The following KBTBD12 variants were observed in gnomAD, a reference collection of about 807,000 sequenced individuals.
The protein encoded by KBTBD12 is kelch repeat and BTB domain containing 12, also known as kelch repeat and BTB domain-containing protein 12.
A neutral mutation model predicts 58.7 loss-of-function variants in KBTBD12; 53 were observed. That is an observed-to-expected ratio of 0.90 (90% CI 0.72 to 1.14). KBTBD12 has a LOEUF of 1.14. Ranked by LOEUF, KBTBD12 falls within the 50% of genes most tolerant of loss-of-function variation. The probability of loss-of-function intolerance (pLI) is 0.00; values close to 1 mark genes in which losing one functional copy is unlikely to be tolerated. For synonymous variants in KBTBD12, 236 were observed against 259.8 expected, an observed-to-expected ratio of 0.91 and a Z score of 0.88; for missense variants, 704 against 751.3, an observed-to-expected ratio of 0.94 and a Z score of 0.74.
At chr3:127,938,085 GA>G (rs772490878) in intron 4 of KBTBD12, among the ~76,000 whole-genome samples, 15 of 152,122 alleles carry the variant, frequency 9.9e-5, no homozygotes, top group Non-Finnish European at 1.9e-4. Flanking sequence ...ATCCCAGATT[GA>G]AGATCTAAAA....
chr3:127,941,667 A>G (rs368933510), intron 4 of KBTBD12, among the ~76,000 whole-genome samples: 15 of 152,162 alleles, frequency 9.9e-5, no homozygotes, highest in East Asian at 5.8e-4. Context: ...GCTCACTGCA[A>G]CCTCCATCTC....
intron 1 of KBTBD12, among the ~76,000 whole-genome samples, chr3:127,921,198 G>A (rs1311024717): frequency 6.6e-6 from 1 of 151,942 alleles, no homozygotes; most frequent in Non-Finnish European, 1.5e-5. Context: ...TGAACTTCAG[G>A]TGAGAAAACT....
intron 1 of KBTBD12, among the ~76,000 whole-genome samples, chr3:127,917,822 T>C (rs1341181647): frequency 6.6e-6 from 1 of 152,244 alleles, no homozygotes; most frequent in Non-Finnish European, 1.5e-5. Context: ...AGAAAAGTTA[T>C]CATTAACTTG....
intron 1 of KBTBD12, among the ~76,000 whole-genome samples, chr3:127,921,708 G>A (rs760919910): frequency 6.6e-5 from 10 of 152,186 alleles, no homozygotes; most frequent in South Asian, 2.1e-4. Context: ...AGTTATTTCC[G>A]TTTTCAAATA....
At position 127,915,602 on chromosome 3, in the gene KBTBD12, G is replaced by C. The variant is rs1386023888; in HGVS notation, c.-113+16G>C. The C allele has an allele frequency of 6.6e-6, 1 of 152,268 alleles. No homozygotes were observed. Among genetic ancestry groups the C allele is most frequent in the Non-Finnish European group, 1.5e-5 (1 of 68,076 alleles). 9.4% of individuals were successfully genotyped at this position (152,268 alleles called of 1,614,324 possible). On this transcript the variant is annotated intron_variant, in intron 1 of 5. Coordinates refer to ENST00000405109, the MANE Select transcript of KBTBD12 (RefSeq NM_207335.4). ...CAGCACCTTCGTAAGTAGGGGTAGC[G>C]CCCCGGGGGAACGCGGCCCCCAGTC... is the stretch of plus-strand genomic sequence containing the variant.
At chr3:127,960,001 T>A (rs1940399986) in intron 4 of KBTBD12, among the ~76,000 whole-genome samples, 1 of 152,226 alleles carries the variant, frequency 6.6e-6, no homozygotes, top group Admixed American at 6.5e-5. Context: ...CAGGCAACTT[T>A]GGAAGCTTAT....
intron 5 of KBTBD12, among the ~76,000 whole-genome samples, chr3:127,974,368 A>G (rs1362385197): frequency 6.6e-6 from 1 of 152,182 alleles, no homozygotes; most frequent in Non-Finnish European, 1.5e-5. Context: ...AGGGGCCTCC[A>G]TGATACGGAA....
In KBTBD12 at chr3:127,917,434, C is replaced by T. The variant is rs565171323; in HGVS notation, c.-113+1848C>T. On this transcript the variant is annotated intron_variant, in intron 1 of 5. Transcript: ENST00000405109. ...GGGAACCCTCCACATGTTCAGCTATCCTGGAAGCTCTCCAAACCTTGTCCT... is the reference window on the plus strand; with the variant it reads ...GGGAACCCTCCACATGTTCAGCTATTCTGGAAGCTCTCCAAACCTTGTCCT... Among the ~76,000 whole-genome samples the T allele has an allele frequency of 7.2e-5, 11 of 152,348 alleles. 1 individual carries two copies. Among genetic ancestry groups the T allele is most frequent in the African/African-American group, 2.6e-4 (11 of 41,576 alleles).
intron 5 of KBTBD12, among the ~76,000 whole-genome samples, chr3:127,974,019 A>G (rs1940732414): frequency 6.6e-6 from 1 of 152,210 alleles, no homozygotes; most frequent in Non-Finnish European, 1.5e-5. Context: ...TATCTGTCCT[A>G]CAGTATATAC....
chr3:127,941,523 C>T (rs1249179479), intron 4 of KBTBD12, among the ~76,000 whole-genome samples: 2 of 152,134 alleles, frequency 1.3e-5, no homozygotes, highest in Non-Finnish European at 2.9e-5. Context: ...CGAGAATTTC[C>T]TCAACCTCTC....
chr3:127,945,970 C>A (rs919850780), intron 4 of KBTBD12, among the ~76,000 whole-genome samples: 16 of 152,144 alleles, frequency 1.1e-4, no homozygotes, highest in Non-Finnish European at 2.2e-4. Flanking sequence ...TGAGCCACCG[C>A]GCCTGGCCCG....
At chr3:127,918,791 C>T (rs777552879) in intron 1 of KBTBD12, among the ~76,000 whole-genome samples, 1 of 151,782 alleles carries the variant, frequency 6.6e-6, no homozygotes, top group African/African-American at 2.4e-5. Flanking sequence ...TTTGGTACTA[C>T]TCAAAGATTG....
In KBTBD12 at chr3:127,923,706, G is replaced by A. The variant is rs575184711; in HGVS notation, c.645G>A (p.Glu215=). The A allele has an allele frequency of 6.2e-6, 10 of 1,613,696 alleles. No homozygotes were observed. The highest frequency in any genetic ancestry group is 8.5e-6 in the Non-Finnish European group (10 of 1,179,822). The stretch of plus-strand genomic sequence containing the variant: ...AATTGCGTACAGTGCATCTTGTTGA[G>A]CTTTTGAAGCAAGTCAGATTGGAAC... ...NKELRTVHLV[E]LLKQVRLELV... is the part of the protein sequence containing the mutation. Residue 215 remains glutamate (E), a synonymous_variant, in exon 2 of 6, where the codon GAG becomes GAA. Coordinates refer to ENST00000405109, the MANE Select transcript of KBTBD12 (RefSeq NM_207335.4).
intron 4 of KBTBD12, among the ~76,000 whole-genome samples, chr3:127,931,606 C>T (rs1424638876): frequency 2.6e-5 from 4 of 152,004 alleles, no homozygotes; most frequent in African/African-American, 4.8e-5. Context: ...GGAGCCACAA[C>T]GAGGCTAGAT....
At chr3:127,960,895 T>C (rs1940426141) in intron 4 of KBTBD12, among the ~76,000 whole-genome samples, 1 of 152,218 alleles carries the variant, frequency 6.6e-6, no homozygotes, top group African/African-American at 2.4e-5. Context: ...ACAACACTAA[T>C]TATTGCAAAA....
At chr3:127,958,206 T>A (rs1314256680) in intron 4 of KBTBD12, among the ~76,000 whole-genome samples, 2 of 151,810 alleles carry the variant, frequency 1.3e-5, no homozygotes, top group East Asian at 3.9e-4. Context: ...GGGGAGGGGA[T>A]GGGTATGGGA....
intron 5 of KBTBD12, among the ~76,000 whole-genome samples, chr3:127,981,477 T>C (rs1940870191): frequency 6.6e-6 from 1 of 152,226 alleles, no homozygotes; most frequent in Non-Finnish European, 1.5e-5. Context: ...TTTATCCCAC[T>C]TTTGATGTTG....
intron 4 of KBTBD12, among the ~76,000 whole-genome samples, chr3:127,953,076 T>C (rs1310140019): frequency 6.6e-6 from 1 of 152,266 alleles, no homozygotes; most frequent in African/African-American, 2.4e-5. Flanking sequence ...CATTATTAAC[T>C]CATGCAGTTG....
At chr3:127,926,627 G>A (rs551890383) in intron 2 of KBTBD12, among the ~76,000 whole-genome samples, 20 of 152,264 alleles carry the variant, frequency 1.3e-4, no homozygotes, top group Non-Finnish European at 2.4e-4. Flanking sequence ...CTCTGGGAAA[G>A]AACGTTAAGA....
Sources: allele counts gnomAD v4.1 joint callset (sites outside exome capture counted in the v4.1 genomes callset), GRCh38; gene constraint gnomAD v4.1.1; transcripts MANE v1.5; gene names NCBI Gene and HGNC (gene_info 2026-07-23, HGNC 2026-07-21).